DYNC2I2: variants seen among roughly 807,000 people sequenced by gnomAD.
The protein encoded by DYNC2I2 is dynein 2 intermediate chain 2, also known as cytoplasmic dynein 2 intermediate chain 2.
In DYNC2I2, 39 loss-of-function variants were observed where a neutral mutation model predicts 52.0. The ratio of observed to expected loss-of-function variants is 0.75; its 90% CI spans 0.58 to 0.98. The LOEUF (loss-of-function observed/expected upper bound fraction) is 0.98, where lower values mean the gene tolerates loss of function less well. Ranked by LOEUF, DYNC2I2 falls within the 50% of genes least tolerant of loss-of-function variation. DYNC2I2 has a pLI of 0.00. For missense variants in DYNC2I2, 743 were observed against 728.4 expected (o/e 1.02, Z -0.23); for synonymous variants, 359 against 321.1 (o/e 1.12, Z -1.26).
the DYNC2I2 span, among the ~76,000 whole-genome samples, chr9:128,679,643 GT>G: frequency 1.4e-5 from 2 of 146,876 alleles, no homozygotes. Context: ...TTTGTTTTTT[GT>G]TTTTTTTTGT....
chr9:128,657,815 T>A (rs79292605), upstream of DYNC2I2, among the ~76,000 whole-genome samples: 2,474 of 151,812 alleles, frequency 0.016, 63 homozygotes, highest in African/African-American at 0.056. Context: ...TCTAAAAAAA[T>A]AATAATAGGC....
chr9:128,634,051 A>G (rs1374604330), intron 8 of DYNC2I2, 69 bp from the exon 9 acceptor site: 2 of 1,578,310 alleles, frequency 1.3e-6, no homozygotes, highest in African/African-American at 1.3e-5. Flanking sequence ...GGAGGAGGCT[A>G]ATGCCCGGGT....
At chr9:128,663,649 C>CTTTTTTTTTT in the DYNC2I2 span, 3 of 77,096 alleles carry the variant, frequency 3.9e-5, no homozygotes, top group African/African-American at 4.2e-5. Flanking sequence ...TAGTTTTTTT[C>CTTTTTTTTTT]TTTTTTTTTT....
At position 128,634,920 on chromosome 9, in the gene DYNC2I2, T is replaced by G. The variant is rs988383217; in HGVS notation, c.983A>C (p.His328Pro). The G allele has an allele frequency of 6.2e-7, 1 of 1,611,860 alleles. No individual in the cohort carries two copies. The stretch of plus-strand genomic sequence containing the variant: ...GCCCACCTCGGTCTCCCCGCGGGGA[T>G]GCTGTGGAGAAATGGCAGCAGCAGG... The part of the protein sequence containing the change: ...QLPRSTKLKK[H>P]PRGETEVGAT... Residue 328 changes from histidine (H) to proline (P), a missense_variant and splice_region_variant, in exon 7 of 9, where the codon CAT (histidine) becomes CCT (proline). His to Pro is a moderately conservative substitution (Grantham distance 77, BLOSUM62 -2). Transcript: ENST00000372715.
chr9:128,649,702 A>AC (rs1860689234), intron 1 of DYNC2I2, among the ~76,000 whole-genome samples: 1 of 144,664 alleles, frequency 6.9e-6, no homozygotes, highest in African/African-American at 2.7e-5. Flanking sequence ...AAAAAAAAAA[A>AC]AAAAAAACTG....
chr9:128,681,080 T>A, the DYNC2I2 span, among the ~76,000 whole-genome samples: 598 of 152,146 alleles, frequency 3.9e-3, 3 homozygotes, highest in Middle Eastern at 0.02. Context: ...TCATTCCGAG[T>A]ACCAGTCATT....
At chr9:128,667,737 T>C in the DYNC2I2 span, among the ~76,000 whole-genome samples, 1 of 128,932 alleles carries the variant, frequency 7.8e-6, no homozygotes, top group Non-Finnish European at 1.6e-5. Context: ...GCCCAGCTAA[T>C]TTTTTTTTTT....
At chr9:128,678,789 G>A in the DYNC2I2 span, among the ~76,000 whole-genome samples, 14 of 151,548 alleles carry the variant, frequency 9.2e-5, no homozygotes, top group Non-Finnish European at 1.9e-4. Flanking sequence ...AACAAAGAGG[G>A]CCAGGCGTGG....
At chr9:128,669,320 G>A in the DYNC2I2 span, among the ~76,000 whole-genome samples, 1 of 152,008 alleles carries the variant, frequency 6.6e-6, no homozygotes, top group Non-Finnish European at 1.5e-5. Context: ...AGCCGAGATT[G>A]CGCCACTGCA....
chr9:128,663,301 C>T, the DYNC2I2 span: 1 of 152,190 alleles, frequency 6.6e-6, no homozygotes, highest in Non-Finnish European at 1.5e-5. Context: ...TCAATTCAGG[C>T]CCCACTCCTT....
At chr9:128,683,834 T>C in the DYNC2I2 span, 1 of 1,404,794 alleles carries the variant, frequency 7.1e-7, no homozygotes, top group Non-Finnish European at 9.7e-7. Context: ...AGTCTCAGTG[T>C]TCAGCCTGCT....
At chr9:128,646,389 AAT>A (rs1860618382) in intron 1 of DYNC2I2, among the ~76,000 whole-genome samples, 1 of 152,064 alleles carries the variant, frequency 6.6e-6, no homozygotes, top group African/African-American at 2.4e-5. Context: ...TTGTATTTTT[AAT>A]AGAGACGGGG....
At chr9:128,667,776 A>G in the DYNC2I2 span, among the ~76,000 whole-genome samples, 14 of 146,496 alleles carry the variant, frequency 9.6e-5, no homozygotes, top group African/African-American at 3.6e-4. Flanking sequence ...CCCTGTTGCC[A>G]GGCTGGAGTG....
At chr9:128,655,141 T>G (rs1280262423) in intron 1 of DYNC2I2, among the ~76,000 whole-genome samples, 1 of 151,626 alleles carries the variant, frequency 6.6e-6, no homozygotes, top group Non-Finnish European at 1.5e-5. Context: ...TCTCCTTTCG[T>G]GTGCGTTTGA....
At chr9:128,636,026 C>T in intron 4 of DYNC2I2, 1 of 715,472 alleles carries the variant, frequency 1.4e-6, no homozygotes, top group Non-Finnish European at 2.4e-6. Context: ...GACGGCTTCC[C>T]AAGGGCACCT....
At chr9:128,682,581 G>A in the DYNC2I2 span, among the ~76,000 whole-genome samples, 1 of 152,098 alleles carries the variant, frequency 6.6e-6, no homozygotes, top group African/African-American at 2.4e-5. Context: ...GGAGGCTGAG[G>A]TGGGAGGATC....
chr9:128,683,325 GA>G, the DYNC2I2 span: 1 of 145,102 alleles, frequency 6.9e-6, no homozygotes, highest in Non-Finnish European at 1.4e-5. Context: ...TGTAATTCTT[GA>G]TTGGGAAATC....
In DYNC2I2 at chr9:128,637,005, C is replaced by G; in HGVS notation, c.458G>C (p.Gly153Ala). 2 of 1,613,370 alleles carry G rather than the reference C, an allele frequency of 1.2e-6. No individual in the cohort carries two copies. The highest frequency in any genetic ancestry group is 1.7e-6 in the Non-Finnish European group (2 of 1,179,952). ...ACCCTGCGCTTGGGCTGGCGGGTAG[C>G]CCAGGGTATACAGACAAGACACCTG... ...QQMVSCLYTL[G>A]YPPAQAQGLH... Residue 153 changes from glycine (G) to alanine (A), a missense_variant, in exon 3 of 9, where the codon GGC (glycine) becomes GCC (alanine). Coordinates refer to ENST00000372715, the MANE Select transcript of DYNC2I2 (RefSeq NM_052844.4).
the DYNC2I2 span, among the ~76,000 whole-genome samples, chr9:128,676,089 G>A: frequency 6.6e-6 from 1 of 152,094 alleles, no homozygotes; most frequent in Non-Finnish European, 1.5e-5. Context: ...ATCACTTAGA[G>A]CCTGGGAGGT....
Sources: allele counts gnomAD v4.1 joint callset (sites outside exome capture counted in the v4.1 genomes callset), GRCh38; gene constraint gnomAD v4.1.1; transcripts MANE v1.5; gene names NCBI Gene and HGNC (gene_info 2026-07-23, HGNC 2026-07-21).